HECW2: variants seen among roughly 807,000 people sequenced by gnomAD.
HECW2 encodes HECT, C2 and WW domain containing E3 ubiquitin protein ligase 2.
Under a neutral mutation model 175.2 loss-of-function variants are expected in HECW2, and 61 were observed. The observed-to-expected ratio is 0.35, with a 90% CI of 0.28 to 0.43. The LOEUF is 0.43. Ranked by LOEUF, HECW2 falls within the 20% of genes least tolerant of loss-of-function variation. The probability of loss-of-function intolerance (pLI) is 1.00; values close to 1 mark genes in which losing one functional copy is unlikely to be tolerated. For missense variants in HECW2, 1,524 were observed against 2,000.5 expected, an observed-to-expected ratio of 0.76 and a Z score of 4.54; for synonymous variants, 671 against 731.0, an observed-to-expected ratio of 0.92 and a Z score of 1.32.
At chr2:196,209,010 G>A (rs1314576693) in intron 28 of HECW2, among the ~76,000 whole-genome samples, 1 of 152,234 alleles carries the variant, frequency 6.6e-6, no homozygotes, top group Admixed American at 6.5e-5. Flanking sequence ...TAGTCCAGGT[G>A]AGGGGGGATG....
At chr2:196,392,256 G>A (rs894243499) in intron 2 of HECW2, among the ~76,000 whole-genome samples, 4 of 152,116 alleles carry the variant, frequency 2.6e-5, no homozygotes, top group African/African-American at 7.2e-5. Flanking sequence ...GCCCAACATC[G>A]CTAATTGATT....
rs146567479 is a variant in HECW2, at chr2:196,286,612, G to A, written c.3000+5953C>T. 5.6e-3 allele frequency among the ~76,000 whole-genome samples: 853 copies of A among 152,060 alleles called. 4 individuals carry two copies. Among genetic ancestry groups the A allele is most frequent in the South Asian group, 0.02 (96 of 4,810 alleles). Reference sequence around the variant, plus strand: ...CCATCTGCCTTCTATGTACACTTACGCATTAATTCTTTCTAACATATTTTT... The same window carrying A: ...CCATCTGCCTTCTATGTACACTTACACATTAATTCTTTCTAACATATTTTT... On this transcript the variant is annotated intron_variant, in intron 14 of 28. Transcript: ENST00000644978.
At chr2:196,215,105 C>T (rs1687425979) in intron 28 of HECW2, among the ~76,000 whole-genome samples, 1 of 152,180 alleles carries the variant, frequency 6.6e-6, no homozygotes, top group African/African-American at 2.4e-5. Flanking sequence ...AATTCTAAAA[C>T]AAATTTTCTT....
intron 1 of HECW2, among the ~76,000 whole-genome samples, chr2:196,467,317 T>C (rs986612054): frequency 9.9e-5 from 15 of 152,246 alleles, no homozygotes; most frequent in South Asian, 6.2e-4. Flanking sequence ...CTATTCTTAG[T>C]ATTATTAGCC....
intron 2 of HECW2, among the ~76,000 whole-genome samples, chr2:196,347,065 T>A (rs532689986): frequency 1.8e-4 from 27 of 151,938 alleles, no homozygotes; most frequent in African/African-American, 5.6e-4. Context: ...TTTATTTATT[T>A]TTTTTGACAT....
chr2:196,569,371 C>A (rs10170072), intron 1 of HECW2, among the ~76,000 whole-genome samples: 2,242 of 144,252 alleles, frequency 0.016, 27 homozygotes, highest in Middle Eastern at 0.052. Context: ...CTAAACTAAA[C>A]TAAAATAAAA....
At chr2:196,342,675 T>C (rs1017624527) in intron 3 of HECW2, among the ~76,000 whole-genome samples, 6 of 152,092 alleles carry the variant, frequency 3.9e-5, no homozygotes, top group Admixed American at 3.9e-4. Flanking sequence ...AATTAGGTAA[T>C]AGTTGAGTTA....
intron 1 of HECW2, among the ~76,000 whole-genome samples, chr2:196,549,369 T>A (rs1306231780): frequency 6.6e-6 from 1 of 152,212 alleles, no homozygotes; most frequent in African/African-American, 2.4e-5. Context: ...CCTTCATGGT[T>A]TTACCACTTT....
At chr2:196,355,862 G>C (rs1693346668) in intron 2 of HECW2, among the ~76,000 whole-genome samples, 1 of 152,124 alleles carries the variant, frequency 6.6e-6, no homozygotes, top group South Asian at 2.1e-4. Context: ...GCTTGGGAAT[G>C]GGGTGGAGAG....
At chr2:196,418,582 A>G (rs1695322899) in intron 2 of HECW2, among the ~76,000 whole-genome samples, 1 of 152,262 alleles carries the variant, frequency 6.6e-6, no homozygotes, top group African/African-American at 2.4e-5. Context: ...CTTTCAGGAA[A>G]ACATCTATGA....
At chr2:196,397,174 ATTC>A (rs565381672) in intron 2 of HECW2, among the ~76,000 whole-genome samples, 121 of 152,336 alleles carry the variant, frequency 7.9e-4, no homozygotes, top group Non-Finnish European at 1.4e-3. Flanking sequence ...GTCTTTGGGA[ATTC>A]TTCTACATAT....
intron 1 of HECW2, among the ~76,000 whole-genome samples, chr2:196,467,030 C>A (rs746483761): frequency 6.6e-6 from 1 of 152,146 alleles, no homozygotes; most frequent in Non-Finnish European, 1.5e-5. Context: ...CACTTGGTAA[C>A]CCTGAACCTC....
intron 1 of HECW2, among the ~76,000 whole-genome samples, chr2:196,568,990 T>C (rs777237058): frequency 6.6e-6 from 1 of 152,214 alleles, no homozygotes; most frequent in Non-Finnish European, 1.5e-5. Flanking sequence ...ATCCTGTTTT[T>C]TACTTTCAGT....
intron 19 of HECW2, among the ~76,000 whole-genome samples, chr2:196,246,515 G>T (rs1688649402): frequency 6.6e-6 from 1 of 152,064 alleles, no homozygotes; most frequent in Admixed American, 6.5e-5. Flanking sequence ...CTCCTGAGTA[G>T]CTTGGACTAC....
chr2:196,219,809 A>G (rs1311671046), intron 26 of HECW2, among the ~76,000 whole-genome samples: 1 of 152,236 alleles, frequency 6.6e-6, no homozygotes, highest in South Asian at 2.1e-4. Context: ...CCAACAATTA[A>G]GAGTTATGAC....
chr2:196,263,335 C>A (rs1356167032), intron 17 of HECW2: 1 of 152,120 alleles, frequency 6.6e-6, no homozygotes. Context: ...AGTCTCAAGA[C>A]TGAATTCCCA....
intron 17 of HECW2, 74 bp downstream of exon 17, chr2:196,271,119 A>G (rs1689718873): frequency 1.1e-6 from 1 of 869,900 alleles, no homozygotes; most frequent in Admixed American, 2.2e-5. Context: ...AATTTCCAAG[A>G]CAACTATCAG....
chr2:196,390,896 T>C (rs913600646), intron 2 of HECW2, among the ~76,000 whole-genome samples: 1 of 152,162 alleles, frequency 6.6e-6, no homozygotes, highest in African/African-American at 2.4e-5. Flanking sequence ...GTCTAGGAAA[T>C]TCTACATTGT....
At chr2:196,511,791 G>C (rs535684727) in intron 1 of HECW2, among the ~76,000 whole-genome samples, 1 of 152,282 alleles carries the variant, frequency 6.6e-6, no homozygotes, top group Non-Finnish European at 1.5e-5. Flanking sequence ...ATATAACAAG[G>C]AGGTTTCTAG....
Sources: gnomAD v4.1 joint callset for allele counts (sites outside exome capture counted in the v4.1 genomes callset) on GRCh38, gnomAD v4.1.1 for gene constraint, MANE v1.5 for transcripts, NCBI Gene and HGNC (gene_info 2026-07-23, HGNC 2026-07-21) for gene names.